SGCZ: variants seen among roughly 807,000 people sequenced by gnomAD.
SGCZ encodes sarcoglycan zeta.
SGCZ carries 40 observed loss-of-function variants against 41.3 expected under a neutral mutation model. The observed-to-expected ratio is 0.97, with a 90% confidence interval of 0.75 to 1.26. The LOEUF is 1.26. SGCZ is among the 50% of genes most tolerant of loss of function. The pLI is 0.00. For synonymous variants in SGCZ, 206 were observed against 137.5 expected (o/e 1.50, Z -3.49); for missense variants, 552 against 369.8 (o/e 1.49, Z -4.04).
At chr8:14,525,286 T>G (rs755715033) in intron 2 of SGCZ, among the ~76,000 whole-genome samples, 1 of 152,156 alleles carries the variant, frequency 6.6e-6, no homozygotes, top group Admixed American at 6.6e-5. Context: ...TTGCCTACTT[T>G]CCTTTGCTCC....
At chr8:14,586,186 T>C (rs1469099138) in intron 1 of SGCZ, among the ~76,000 whole-genome samples, 2 of 152,140 alleles carry the variant, frequency 1.3e-5, no homozygotes, top group African/African-American at 2.4e-5. Context: ...GTATGCTGCA[T>C]ATATAAAATA....
At chr8:14,479,746 T>TTTTTTA (rs1801477603) in intron 2 of SGCZ, among the ~76,000 whole-genome samples, 1 of 76,106 alleles carries the variant, frequency 1.3e-5, no homozygotes, top group South Asian at 4.0e-4. Flanking sequence ...TTTTTTTTTT[T>TTTTTTA]TTTTTTTTTT....
intron 5 of SGCZ, among the ~76,000 whole-genome samples, chr8:14,120,142 G>A (rs934013178): frequency 1.4e-4 from 21 of 152,068 alleles, no homozygotes; most frequent in African/African-American, 5.1e-4. Context: ...ATTATCATAT[G>A]GAAACCAGCA....
At chr8:14,790,278 G>C (rs1381325670) in intron 1 of SGCZ, among the ~76,000 whole-genome samples, 3 of 152,082 alleles carry the variant, frequency 2.0e-5, no homozygotes, top group Non-Finnish European at 4.4e-5. Flanking sequence ...GAACTTTCTT[G>C]TAATCAAATA....
In SGCZ at chr8:14,760,184, C is replaced by A. The variant is rs1799816369; in HGVS notation, c.40-205258G>T. On this transcript the variant is annotated intron_variant, in intron 1 of 7. Transcript: ENST00000382080. The stretch of plus-strand genomic sequence containing the variant: ...ACTATGCCCGGAAATAATTATATCA[C>A]CTGTGATTCTTTCTAGTTTTACCAA... Among the ~76,000 whole-genome samples, 3 of 152,116 alleles carry A rather than the reference C, an allele frequency of 2.0e-5. No homozygotes were observed. In the South Asian group the frequency reaches 6.2e-4, roughly 31 times the overall value.
intron 2 of SGCZ, among the ~76,000 whole-genome samples, chr8:14,510,227 T>A (rs1052514659): frequency 2.0e-5 from 3 of 152,150 alleles, no homozygotes; most frequent in Non-Finnish European, 4.4e-5. Context: ...AAAATTGTTC[T>A]TTTATGGAAG....
intron 1 of SGCZ, among the ~76,000 whole-genome samples, chr8:14,746,506 C>A (rs570726849): frequency 6.6e-6 from 1 of 152,096 alleles, no homozygotes; most frequent in Non-Finnish European, 1.5e-5. Context: ...ATTCATATTT[C>A]CTCATTCACT....
At chr8:14,838,358 T>C (rs1194012059) in intron 1 of SGCZ, among the ~76,000 whole-genome samples, 1 of 152,136 alleles carries the variant, frequency 6.6e-6, no homozygotes, top group Non-Finnish European at 1.5e-5. Context: ...CTATACCTAG[T>C]CAGTTCTCAG....
intron 1 of SGCZ, among the ~76,000 whole-genome samples, chr8:14,737,968 T>C (rs1799095319): frequency 6.6e-6 from 1 of 152,102 alleles, no homozygotes; most frequent in Admixed American, 6.6e-5. Flanking sequence ...ATACATACTT[T>C]ACAGATGAAG....
At chr8:14,576,389 T>C (rs1585094085) in intron 1 of SGCZ, among the ~76,000 whole-genome samples, 1 of 152,100 alleles carries the variant, frequency 6.6e-6, no homozygotes, top group Non-Finnish European at 1.5e-5. Context: ...CAGGAAGAAA[T>C]GGGGGGACCC....
At chr8:14,274,111 G>C (rs914317376) in intron 3 of SGCZ, among the ~76,000 whole-genome samples, 3 of 152,012 alleles carry the variant, frequency 2.0e-5, no homozygotes, top group South Asian at 2.1e-4. Flanking sequence ...TTTTCTTGAA[G>C]TTTCATTTGC....
At chr8:14,327,646 T>C (rs1187863243) in intron 2 of SGCZ, among the ~76,000 whole-genome samples, 1 of 152,216 alleles carries the variant, frequency 6.6e-6, no homozygotes, top group Non-Finnish European at 1.5e-5. Flanking sequence ...ATGTGCATCT[T>C]TGATTTTGGA....
intron 1 of SGCZ, among the ~76,000 whole-genome samples, chr8:14,979,790 C>T (rs562246544): frequency 1.4e-4 from 21 of 152,266 alleles, no homozygotes; most frequent in African/African-American, 4.3e-4. Flanking sequence ...TAGCTTTGGG[C>T]AGGTGATGAC....
At chr8:15,054,113 A>C (rs1355111199) in intron 1 of SGCZ, among the ~76,000 whole-genome samples, 1 of 152,212 alleles carries the variant, frequency 6.6e-6, no homozygotes, top group Non-Finnish European at 1.5e-5. Flanking sequence ...TTGCCCATAC[A>C]TTCTCCAGAT....
chr8:14,967,064 C>T (rs1474511764), intron 1 of SGCZ, among the ~76,000 whole-genome samples: 2 of 152,092 alleles, frequency 1.3e-5, no homozygotes, highest in Non-Finnish European at 2.9e-5. Flanking sequence ...AAGATTAAGT[C>T]ACTCTTTCAT....
chr8:14,491,591 G>T (rs1051421821), intron 2 of SGCZ, among the ~76,000 whole-genome samples: 6 of 152,160 alleles, frequency 3.9e-5, no homozygotes, highest in African/African-American at 7.2e-5. Context: ...ATAAAGGAAA[G>T]CTGATATCAA....
chr8:14,806,717 C>T (rs1426632353), intron 1 of SGCZ, among the ~76,000 whole-genome samples: 1 of 152,124 alleles, frequency 6.6e-6, no homozygotes, highest in African/African-American at 2.4e-5. Context: ...GGGACTCCTC[C>T]CTAACTCATT....
At chr8:14,556,659 G>C (rs574118038) in intron 1 of SGCZ, among the ~76,000 whole-genome samples, 10 of 152,056 alleles carry the variant, frequency 6.6e-5, no homozygotes, top group Admixed American at 3.3e-4. Context: ...TCACAGCTTA[G>C]CTCCCACTTA....
chr8:14,549,901 A>T (rs1033904642), intron 2 of SGCZ, among the ~76,000 whole-genome samples: 3 of 152,080 alleles, frequency 2.0e-5, no homozygotes, highest in Non-Finnish European at 4.4e-5. Context: ...ATGGGAATTA[A>T]TTGTTAAGAG....
Sources: gnomAD v4.1 joint callset for allele counts (sites outside exome capture counted in the v4.1 genomes callset) on GRCh38, gnomAD v4.1.1 for gene constraint, MANE v1.5 for transcripts, NCBI Gene and HGNC (gene_info 2026-07-23, HGNC 2026-07-21) for gene names.